NPHS1: variants seen among roughly 807,000 people sequenced by gnomAD.
NPHS1 encodes nephrin.
A neutral mutation model predicts 139.7 loss-of-function variants in NPHS1; 107 were observed. The observed-to-expected ratio is 0.77, with a 90% CI of 0.66 to 0.90. The LOEUF (loss-of-function observed/expected upper bound fraction) is 0.90. Among genes scored for constraint, NPHS1 ranks in the 40% least tolerant of loss-of-function variants. NPHS1 has a pLI of 0.00. For synonymous variants in NPHS1, 707 were observed against 706.6 expected (o/e 1.00, Z -0.01); for missense variants, 1,580 against 1,654.2 (o/e 0.96, Z 0.78).
At chr19:35,830,560 C>A (rs182585153) in intron 28 of NPHS1, among the ~76,000 whole-genome samples, 1 of 152,352 alleles carries the variant, frequency 6.6e-6, no homozygotes, top group African/African-American at 2.4e-5. Context: ...CAGGTGCACA[C>A]CTCCATGCCT....
Position 35,842,557 on chromosome 19 carries a change from G to A in NPHS1, c.2335-7C>T, listed in dbSNP as rs2146819942. 6.2e-7 allele frequency: 1 copy of A among 1,613,808 alleles called. No individual in the cohort carries two copies. The highest frequency in any genetic ancestry group is 8.5e-7 in the Non-Finnish European group (1 of 1,179,958). On this transcript the variant is annotated splice_polypyrimidine_tract_variant and splice_region_variant and intron_variant, in intron 17 of 28. Coordinates refer to ENST00000378910, the MANE Select transcript of NPHS1 (RefSeq NM_004646.4). ...GGTCCTCCTCATCTTCTCCCTGGAG[G>A]CCCAAGAGTCCAGAATTGGCCTCCC...
At chr19:35,832,886 C>CA (rs748346116) in intron 23 of NPHS1, among the ~76,000 whole-genome samples, 1,073 of 45,206 alleles carry the variant, frequency 0.024, 36 homozygotes, top group African/African-American at 0.072. Context: ...GACCCTGTCT[C>CA]AAAAAAAAAA....
intron 22 of NPHS1, among the ~76,000 whole-genome samples, chr19:35,837,168 T>G (rs1972979491): frequency 6.6e-6 from 1 of 152,188 alleles, no homozygotes; most frequent in Non-Finnish European, 1.5e-5. Context: ...AGAGGGGATT[T>G]GAACCCAAGC....
At chr19:35,831,609 G>T in intron 24 of NPHS1, 34 bp downstream of exon 24, 2 of 1,613,068 alleles carry the variant, frequency 1.2e-6, no homozygotes, top group Non-Finnish European at 1.7e-6. Context: ...TCACCCTCGG[G>T]TCTCCACCCT....
At chr19:35,847,668 A>AT (rs1973164496) in intron 11 of NPHS1, among the ~76,000 whole-genome samples, 1 of 140,066 alleles carries the variant, frequency 7.1e-6, no homozygotes, top group Non-Finnish European at 1.5e-5. Flanking sequence ...ATTTTACAGC[A>AT]TTGTTTTTTT....
chr19:35,827,687 G>A (rs1393617176), intron 28 of NPHS1, among the ~76,000 whole-genome samples: 1 of 152,214 alleles, frequency 6.6e-6, no homozygotes, highest in African/African-American at 2.4e-5. Context: ...GGGAGGCCAA[G>A]GCAGGTGGAT....
At chr19:35,838,676 C>T (rs1026779171) in intron 22 of NPHS1, among the ~76,000 whole-genome samples, 3 of 151,954 alleles carry the variant, frequency 2.0e-5, no homozygotes, top group East Asian at 3.9e-4. Flanking sequence ...GGTGAAACCC[C>T]GTCTCTATTA....
At position 35,831,766 on chromosome 19, in the gene NPHS1, G is replaced by C. The variant is rs774776388; in HGVS notation, c.3167-4C>G. 5 of 1,562,580 alleles carry C rather than the reference G, an allele frequency of 3.2e-6. No individual in the cohort carries two copies. The South Asian group carries it at 4.7e-5, about 15-fold the overall frequency. On this transcript the variant is annotated splice_polypyrimidine_tract_variant and splice_region_variant and intron_variant, in intron 23 of 28. Coordinates refer to ENST00000378910, the MANE Select transcript of NPHS1 (RefSeq NM_004646.4). The stretch of plus-strand genomic sequence containing the variant: ...AGCAGGGGCAGCCCCGAGGGTCCTA[G>C]GGGTGGAAGATACCCCTCAGTGAAT...
At chr19:35,833,060 T>TG (rs1305600573) in intron 23 of NPHS1, among the ~76,000 whole-genome samples, 8 of 149,694 alleles carry the variant, frequency 5.3e-5, no homozygotes, top group Non-Finnish European at 1.0e-4. Context: ...AATTTTTTTT[T>TG]TTTTTGTATT....
At chr19:35,835,796 T>C in intron 22 of NPHS1, 35 bp from the exon 23 acceptor site, 1 of 1,577,278 alleles carries the variant, frequency 6.3e-7, no homozygotes, top group Admixed American at 1.7e-5. Flanking sequence ...GACTTAACAC[T>C]AAGAATCTGA....
chr19:35,849,229 C>CCCTCACCTTCAGCCACTGCAGTGTG lies in NPHS1; in HGVS notation c.822_840+6dup, dbSNP rs779725493. The CCCTCACCTTCAGCCACTGCAGTGTG allele has an allele frequency of 2.5e-6, 4 of 1,613,824 alleles. No homozygotes were observed. In the Admixed American group the frequency reaches 6.7e-5, roughly 27 times the overall value. ...CCCCCATTCCCCATGCCCGCGTTTG[C>CCCTCACCTTCAGCCACTGCAGTGTG]CCTCACCTTCAGCCACTGCAGTGTG... On this transcript the variant is annotated splice_region_variant and intron_variant, in intron 7 of 28. Coordinates refer to ENST00000378910, the MANE Select transcript of NPHS1 (RefSeq NM_004646.4).
chr19:35,844,848 G>T (rs1973112497), intron 14 of NPHS1, among the ~76,000 whole-genome samples: 1 of 152,206 alleles, frequency 6.6e-6, no homozygotes, highest in African/African-American at 2.4e-5. Context: ...ACCCAGGCCA[G>T]GTGCAGTGGC....
intron 22 of NPHS1, among the ~76,000 whole-genome samples, chr19:35,837,062 G>GAAAGAA (rs1160995931): frequency 7.6e-6 from 1 of 132,410 alleles, no homozygotes; most frequent in South Asian, 2.4e-4. Flanking sequence ...AAGAAAGAAA[G>GAAAGAA]AAAGAAAGAA....
chr19:35,828,068 A>G (rs1412842745), intron 28 of NPHS1, among the ~76,000 whole-genome samples: 1 of 152,198 alleles, frequency 6.6e-6, no homozygotes, highest in Non-Finnish European at 1.5e-5. Flanking sequence ...AAAACAAAGC[A>G]AAACCAAACA....
In NPHS1 at chr19:35,826,301, T is replaced by C; in HGVS notation, c.*213A>G. 1 of 580,198 alleles carries C rather than the reference T, an allele frequency of 1.7e-6. No individual in the cohort carries two copies. The highest frequency in any genetic ancestry group is 3.0e-5 in the East Asian group (1 of 33,658). 35.9% of individuals were successfully genotyped at this position (580,198 alleles called of 1,614,324 possible). A position where few individuals can be genotyped will look rare whatever the true frequency, so the allele number is the denominator to read the frequency against. On this transcript the variant is annotated 3_prime_UTR_variant, in exon 29 of 29. Coordinates refer to ENST00000378910, the MANE Select transcript of NPHS1 (RefSeq NM_004646.4). ...TCTGCCCTGTCCTTTTGGAGAAGTT[T>C]AGTTTCTAAAGCCAACCCCAGGATG...
intron 28 of NPHS1, among the ~76,000 whole-genome samples, chr19:35,827,932 A>C (rs1271497885): frequency 6.6e-6 from 1 of 152,084 alleles, no homozygotes; most frequent in South Asian, 2.1e-4. Flanking sequence ...TAAATAAATA[A>C]ATAAAATTTT....
In NPHS1 at chr19:35,845,334, G is replaced by A. The variant is rs769182448; in HGVS notation, c.1930+34C>T. The A allele has an allele frequency of 3.7e-6, 6 of 1,609,922 alleles. No homozygotes were observed. Among genetic ancestry groups the A allele is most frequent in the African/African-American group, 1.3e-5 (1 of 74,990 alleles). ...CAAGGAGTAGTTTAGGGTCAAGAAG[G>A]CATCGAGAGGGGCTTTCAGGCCGGG... On this transcript the variant is annotated intron_variant, in intron 14 of 28. Transcript: ENST00000378910. The surrounding 1 kb of genome is among the most constrained non-coding windows in gnomAD (Gnocchi z 5.5).
chr19:35,826,707 T>C, intron 28 of NPHS1, 62 bp from the exon 29 acceptor site: 7 of 1,571,952 alleles, frequency 4.5e-6, no homozygotes, highest in Non-Finnish European at 6.1e-6. Context: ...TCATTGAAGA[T>C]CTGGGGGATA....
At chr19:35,833,441 C>G (rs749168981) in intron 23 of NPHS1, among the ~76,000 whole-genome samples, 5 of 152,188 alleles carry the variant, frequency 3.3e-5, no homozygotes, top group Non-Finnish European at 5.9e-5. Context: ...CTCCATTCCT[C>G]TCTCCACAGT....
Sources: allele counts gnomAD v4.1 joint callset (sites outside exome capture counted in the v4.1 genomes callset), GRCh38; gene constraint gnomAD v4.1.1; non-coding constraint Gnocchi (gnomAD v3.1); transcripts MANE v1.5; gene names NCBI Gene and HGNC (gene_info 2026-07-23, HGNC 2026-07-21).